Variants in CYP39A1 observed in about 807,000 individuals in gnomAD.
CYP39A1 encodes cytochrome P450 family 39 subfamily A member 1.
CYP39A1 carries 49 observed loss-of-function variants against 58.1 expected under a neutral mutation model. The ratio of observed to expected loss-of-function variants is 0.84; its 90% CI spans 0.67 to 1.07. The LOEUF (loss-of-function observed/expected upper bound fraction) is 1.07. CYP39A1 is among the 50% of genes least tolerant of loss of function. CYP39A1 has a pLI of 0.00. For synonymous variants in CYP39A1, 209 were observed against 187.6 expected (o/e 1.11, Z -0.93); for missense variants, 531 against 539.4 (o/e 0.98, Z 0.16).
chr6:46,632,465 GT>G (rs370255302), intron 5 of CYP39A1, among the ~76,000 whole-genome samples: 3,371 of 145,450 alleles, frequency 0.023, 45 homozygotes, highest in Non-Finnish European at 0.03. Context: ...TATTTGTCAG[GT>G]TTTTTTTTTT....
At chr6:46,621,883 C>T (rs1236614114) in intron 7 of CYP39A1, among the ~76,000 whole-genome samples, 4 of 151,992 alleles carry the variant, frequency 2.6e-5, no homozygotes, top group African/African-American at 7.2e-5. Flanking sequence ...TCCTTATTAA[C>T]ATAGATTCTT....
chr6:46,567,530 T>C (rs1771360276), intron 10 of CYP39A1, among the ~76,000 whole-genome samples: 1 of 152,082 alleles, frequency 6.6e-6, no homozygotes, highest in Non-Finnish European at 1.5e-5. Flanking sequence ...TTTTAAATGC[T>C]TGAAGAACTG....
chr6:46,581,422 A>G (rs2150503576), intron 10 of CYP39A1, among the ~76,000 whole-genome samples: 1 of 147,588 alleles, frequency 6.8e-6, no homozygotes, highest in African/African-American at 2.5e-5. Context: ...AAAAAAAAAG[A>G]GAGAGACAGA....
intron 7 of CYP39A1, among the ~76,000 whole-genome samples, chr6:46,597,063 G>T (rs76962121): frequency 0.02 from 2,969 of 152,204 alleles, 46 homozygotes; most frequent in Non-Finnish European, 0.03. Flanking sequence ...GATGAGGCGT[G>T]TTCAAAAGCA....
In CYP39A1 at chr6:46,636,393, G is replaced by A; in HGVS notation, c.728C>T (p.Ser243Phe). The A allele has an allele frequency of 6.3e-7, 1 of 1,578,584 alleles. No individual in the cohort carries two copies. The highest frequency in any genetic ancestry group is 1.1e-5 in the South Asian group (1 of 88,256). ...AGAAAGGTAAGAAATACTTACCATG[G>A]AATTATCTTTTGCAGATTTACATGC... Reference protein sequence around the residue: ...IKACKSAKDNSMTLLQATLDI... With the variant: ...IKACKSAKDNFMTLLQATLDI... The change falls in exon 5 of 12, where the codon TCC becomes TTC. Residue 243 changes from serine (S) to phenylalanine (F), a missense_variant. Transcript: ENST00000275016.
chr6:46,565,672 C>T (rs1462521994), intron 10 of CYP39A1, among the ~76,000 whole-genome samples: 2 of 152,086 alleles, frequency 1.3e-5, no homozygotes, highest in African/African-American at 2.4e-5. Flanking sequence ...TGTGCAACCA[C>T]AGAGGGATTA....
chr6:46,581,702 T>C (rs938085704), intron 10 of CYP39A1, among the ~76,000 whole-genome samples: 3 of 151,986 alleles, frequency 2.0e-5, no homozygotes, highest in African/African-American at 7.3e-5. Flanking sequence ...GGTTGACAAA[T>C]CATTTGTATA....
In CYP39A1 at chr6:46,561,223, C is replaced by A. The variant is rs375940046; in HGVS notation, c.1251-7369G>T. Among the ~76,000 whole-genome samples, 6 of 152,212 alleles carry A rather than the reference C, an allele frequency of 3.9e-5. No homozygotes were observed. In the East Asian group the frequency reaches 1.2e-3, roughly 29 times the overall value. The stretch of plus-strand genomic sequence containing the variant: ...AATTATAGAACAGTTTTGTAGGTTC[C>A]TTGCTTTATTCAAATAAATCCTATC... On this transcript the variant is annotated intron_variant, in intron 10 of 11. Coordinates refer to ENST00000275016, the MANE Select transcript of CYP39A1 (RefSeq NM_016593.5).
intron 7 of CYP39A1, among the ~76,000 whole-genome samples, chr6:46,610,554 AG>A (rs965551253): frequency 6.6e-6 from 1 of 152,134 alleles, no homozygotes; most frequent in African/African-American, 2.4e-5. Flanking sequence ...TATGTTGCCC[AG>A]GCTGGTCTCA....
intron 7 of CYP39A1, among the ~76,000 whole-genome samples, chr6:46,598,460 T>C (rs553399233): frequency 1.3e-5 from 2 of 152,256 alleles, no homozygotes; most frequent in East Asian, 3.9e-4. Context: ...AACTAAAACA[T>C]GATCACCAAC....
intron 10 of CYP39A1, among the ~76,000 whole-genome samples, chr6:46,574,906 C>T (rs1410364108): frequency 1.3e-5 from 2 of 151,500 alleles, no homozygotes; most frequent in Admixed American, 6.6e-5. Context: ...CTGAAAGAGA[C>T]TAGACTATCA....
At chr6:46,597,872 C>A (rs1438240977) in intron 7 of CYP39A1, among the ~76,000 whole-genome samples, 3 of 152,066 alleles carry the variant, frequency 2.0e-5, no homozygotes, top group Non-Finnish European at 4.4e-5. Context: ...TAAATTAAGA[C>A]CTTCGGCTTA....
intron 7 of CYP39A1, among the ~76,000 whole-genome samples, chr6:46,606,918 GAT>G (rs1406531725): frequency 2.0e-5 from 3 of 152,134 alleles, no homozygotes; most frequent in African/African-American, 7.2e-5. Context: ...TGCTATAAGA[GAT>G]AGGGAGGAAA....
At position 46,616,518 on chromosome 6, in the gene CYP39A1, C is replaced by T. The variant is rs1033229614; in HGVS notation, c.931+8900G>A. On this transcript the variant is annotated intron_variant, in intron 7 of 11. Transcript: ENST00000275016. Reference sequence around the variant, plus strand: ...AAAGCTCTGGAATTATAGGCATGAGCCATCATGCCCACCCATTTATCACCT... The same window carrying T: ...AAAGCTCTGGAATTATAGGCATGAGTCATCATGCCCACCCATTTATCACCT... Among the ~76,000 whole-genome samples, 4 of 151,812 alleles carry T rather than the reference C, an allele frequency of 2.6e-5. No homozygotes were observed. In the South Asian group the frequency reaches 6.2e-4, roughly 24 times the overall value.
chr6:46,623,157 T>C (rs998218366), intron 7 of CYP39A1, among the ~76,000 whole-genome samples: 3 of 151,886 alleles, frequency 2.0e-5, no homozygotes, highest in Non-Finnish European at 2.9e-5. Context: ...ATGCCTGTGA[T>C]GATAATTTGT....
intron 10 of CYP39A1, among the ~76,000 whole-genome samples, chr6:46,557,773 C>T (rs1252810999): frequency 1.3e-5 from 2 of 148,990 alleles, no homozygotes; most frequent in African/African-American, 5.0e-5. Context: ...CCCATCTCTA[C>T]TAAAAATACA....
At chr6:46,579,585 G>T (rs148878278) in intron 10 of CYP39A1, among the ~76,000 whole-genome samples, 1 of 152,020 alleles carries the variant, frequency 6.6e-6, no homozygotes, top group Non-Finnish European at 1.5e-5. Context: ...CTTCACAAAC[G>T]ATATGATTCT....
At chr6:46,619,418 G>T (rs1330898759) in intron 7 of CYP39A1, among the ~76,000 whole-genome samples, 1 of 149,932 alleles carries the variant, frequency 6.7e-6, no homozygotes, top group Non-Finnish European at 1.5e-5. Flanking sequence ...GCATTTTGGT[G>T]GGGTAAATAC....
chr6:46,617,805 A>G (rs1774702650), intron 7 of CYP39A1, among the ~76,000 whole-genome samples: 1 of 152,130 alleles, frequency 6.6e-6, no homozygotes, highest in Non-Finnish European at 1.5e-5. Context: ...CCAACAAGGA[A>G]AGCACTTAAA....
Sources: allele counts gnomAD v4.1 joint callset (sites outside exome capture counted in the v4.1 genomes callset), GRCh38; gene constraint gnomAD v4.1.1; transcripts MANE v1.5; gene names NCBI Gene and HGNC (gene_info 2026-07-23, HGNC 2026-07-21).